TCF7L2: variants seen among roughly 807,000 people sequenced by gnomAD.
TCF7L2 encodes the protein transcription factor 7-like 2.
In TCF7L2, 23 loss-of-function variants were observed where a neutral mutation model predicts 77.9. That is an observed-to-expected ratio of 0.30 (90% CI 0.21 to 0.42). TCF7L2 has a LOEUF of 0.42. TCF7L2 is among the 10% of genes least tolerant of loss of function. The pLI, the probability that TCF7L2 is intolerant of heterozygous loss-of-function variation, is 1.00. For synonymous variants in TCF7L2, 413 were observed against 340.2 expected (o/e 1.21, Z -2.36); for missense variants, 654 against 793.1 (o/e 0.82, Z 2.11).
At chr10:113,040,671 A>G (rs541587813) in intron 5 of TCF7L2, among the ~76,000 whole-genome samples, 11 of 152,222 alleles carry the variant, frequency 7.2e-5, no homozygotes, top group African/African-American at 2.6e-4. Context: ...TTTAATCTAT[A>G]CATCCATGGC....
intron 4 of TCF7L2, among the ~76,000 whole-genome samples, chr10:112,994,234 G>A (rs904087357): frequency 5.3e-5 from 8 of 152,050 alleles, no homozygotes; most frequent in Admixed American, 2.0e-4. Context: ...TTACCCATTA[G>A]CAGTCACTCC....
intron 5 of TCF7L2, chr10:113,126,684 G>A (rs1274683863): frequency 1.0e-6 from 1 of 985,454 alleles, no homozygotes; most frequent in Non-Finnish European, 1.2e-6. Context: ...AACTGTGCGT[G>A]AGCATCTTGT....
chr10:113,047,864 TG>T (rs2053725498), intron 5 of TCF7L2, among the ~76,000 whole-genome samples: 1 of 152,288 alleles, frequency 6.6e-6, no homozygotes, highest in Admixed American at 6.5e-5. Context: ...TTTCTCAAGC[TG>T]GGGCCTGTTG....
chr10:113,161,479 C>T (rs2137499904), intron 13 of TCF7L2: 1 of 1,322,390 alleles, frequency 7.6e-7, no homozygotes, highest in Non-Finnish European at 1.0e-6. Flanking sequence ...GTAGGTACTT[C>T]CTTCTTGGTG....
intron 4 of TCF7L2, among the ~76,000 whole-genome samples, chr10:113,012,937 G>A (rs2046703581): frequency 6.6e-6 from 1 of 152,096 alleles, no homozygotes; most frequent in Non-Finnish European, 1.5e-5. Context: ...CTCTACGCGT[G>A]TTGCTGAAAC....
chr10:112,966,209 T>TATA lies in TCF7L2; in HGVS notation c.450+1587_450+1588insAAT, dbSNP rs1305413204. ...TTATATATATATATATATATATATA[T>TATA]ATTTTCTTTTCTTGATTACTTCTGC... On this transcript the variant is annotated intron_variant, in intron 4 of 13. Transcript: ENST00000627217. Among the ~76,000 whole-genome samples, 7 of 131,484 alleles carry TATA rather than the reference T, an allele frequency of 5.3e-5. 1 individual carries two copies. Among genetic ancestry groups the TATA allele is most frequent in the Non-Finnish European group, 8.3e-5 (5 of 60,040 alleles). 86.3% of individuals were successfully genotyped at this position (131,484 alleles called of 152,430 possible).
At chr10:113,003,538 C>T (rs1306764869) in intron 4 of TCF7L2, among the ~76,000 whole-genome samples, 2 of 152,162 alleles carry the variant, frequency 1.3e-5, no homozygotes, top group South Asian at 2.1e-4. Context: ...TCCCAGCCCG[C>T]ATCATGTTAT....
chr10:113,105,482 T>G (rs2062181952), intron 5 of TCF7L2, among the ~76,000 whole-genome samples: 1 of 152,188 alleles, frequency 6.6e-6, no homozygotes, highest in Non-Finnish European at 1.5e-5. Flanking sequence ...CAGGGACATT[T>G]GGTGGGCAGG....
intron 5 of TCF7L2, among the ~76,000 whole-genome samples, chr10:113,120,103 A>C (rs2064536734): frequency 6.6e-6 from 1 of 152,202 alleles, no homozygotes; most frequent in Non-Finnish European, 1.5e-5. Context: ...ATGAGACCAG[A>C]GGCTCCGCCA....
At chr10:113,093,190 C>A in intron 5 of TCF7L2, among the ~76,000 whole-genome samples, 1 of 152,148 alleles carries the variant, frequency 6.6e-6, no homozygotes. Flanking sequence ...TAACTACCTC[C>A]TATATTAACT....
chr10:113,136,838 G>A (rs1235567171), intron 5 of TCF7L2, among the ~76,000 whole-genome samples: 1 of 152,162 alleles, frequency 6.6e-6, no homozygotes, highest in African/African-American at 2.4e-5. Flanking sequence ...AATTTTCTTA[G>A]GGTGGTGCAG....
At chr10:113,006,361 T>A (rs1252880933) in intron 4 of TCF7L2, among the ~76,000 whole-genome samples, 2 of 152,138 alleles carry the variant, frequency 1.3e-5, no homozygotes, top group Non-Finnish European at 2.9e-5. Context: ...GCTCACTCAG[T>A]GTGATGTTCT....
intron 12 of TCF7L2, among the ~76,000 whole-genome samples, chr10:113,159,541 G>GA (rs1486383651): frequency 1.3e-5 from 2 of 151,810 alleles, no homozygotes; most frequent in Admixed American, 1.3e-4. Flanking sequence ...AAAATTGAGA[G>GA]AAAAAAGGGA....
At chr10:113,124,654 A>G (rs2065295420) in intron 5 of TCF7L2, among the ~76,000 whole-genome samples, 1 of 152,054 alleles carries the variant, frequency 6.6e-6, no homozygotes, top group South Asian at 2.1e-4. Flanking sequence ...GTGAATTCAA[A>G]TATGTTGGTT....
Position 113,153,515 on chromosome 10 carries a change from C to T in TCF7L2, c.1269+1075C>T, listed in dbSNP as rs180886059. ...CATCATCCGCGGTGAAGCAGCTTGA[C>T]GTATAGGGGTCGAGGTCGTTAAATT... On this transcript the variant is annotated intron_variant, in intron 11 of 13. Coordinates refer to ENST00000627217, the MANE Select transcript of TCF7L2 (RefSeq NM_001146274.2). Among the ~76,000 whole-genome samples the T allele has an allele frequency of 5.7e-4, 87 of 152,266 alleles. 1 individual carries two copies. The East Asian group carries it at 0.016, about 28-fold the overall frequency.
At chr10:112,964,736 ATGATGG>A in intron 4 of TCF7L2, 112 bp downstream of exon 4, 5 of 733,284 alleles carry the variant, frequency 6.8e-6, no homozygotes, top group South Asian at 1.5e-5. Flanking sequence ...GATGATGATG[ATGATGG>A]TGGTGGTGGT....
At chr10:113,072,500 G>A (rs1281791446) in intron 5 of TCF7L2, among the ~76,000 whole-genome samples, 2 of 152,112 alleles carry the variant, frequency 1.3e-5, no homozygotes, top group African/African-American at 2.4e-5. Context: ...GATTACAGGC[G>A]TGTGCCACCG....
chr10:113,089,532 T>C (rs1302493822), intron 5 of TCF7L2: 1 of 1,613,640 alleles, frequency 6.2e-7, no homozygotes. Context: ...GGAGCCCTGG[T>C]GTATTGAGGT....
chr10:113,126,310 A>T (rs1292373734), intron 5 of TCF7L2, among the ~76,000 whole-genome samples: 1 of 152,144 alleles, frequency 6.6e-6, no homozygotes, highest in Non-Finnish European at 1.5e-5. Context: ...CTTTGGAGTG[A>T]AGTGGTCCCT....
Sources: gnomAD v4.1 joint callset for allele counts (sites outside exome capture counted in the v4.1 genomes callset) on GRCh38, gnomAD v4.1.1 for gene constraint, MANE v1.5 for transcripts, NCBI Gene and HGNC (gene_info 2026-07-23, HGNC 2026-07-21) for gene names.